The following CCNY variants were observed in gnomAD, a reference collection of about 807,000 sequenced individuals.
CCNY encodes cyclin Y.
Under a neutral mutation model 42.8 loss-of-function variants are expected in CCNY, and 19 were observed. That is an observed-to-expected ratio of 0.44 (90% confidence interval 0.31 to 0.65). The LOEUF (loss-of-function observed/expected upper bound fraction) is 0.65, where lower values mean the gene tolerates loss of function less well. Among genes scored for constraint, CCNY ranks in the 30% least tolerant of loss-of-function variants. The pLI, the probability that CCNY is intolerant of heterozygous loss-of-function variation, is 0.07. For missense variants in CCNY, 370 were observed against 437.3 expected, an observed-to-expected ratio of 0.85 and a Z score of 1.37; for synonymous variants, 165 against 162.7, an observed-to-expected ratio of 1.01 and a Z score of -0.11.
intron 1 of CCNY, among the ~76,000 whole-genome samples, chr10:35,344,935 C>A (rs995286253): frequency 3.9e-5 from 6 of 152,156 alleles, no homozygotes; most frequent in African/African-American, 1.4e-4. Context: ...ATAGTATTCC[C>A]TGGTGTATAC....
intron 1 of CCNY, among the ~76,000 whole-genome samples, chr10:35,470,268 G>C (rs1839365081): frequency 6.6e-6 from 1 of 152,206 alleles, no homozygotes; most frequent in South Asian, 2.1e-4. Flanking sequence ...TGGAAAGACG[G>C]ACAGGCAGGT....
At chr10:35,466,833 C>T in intron 1 of CCNY, among the ~76,000 whole-genome samples, 1 of 152,188 alleles carries the variant, frequency 6.6e-6, no homozygotes, top group East Asian at 1.9e-4. Flanking sequence ...AATGTGGTGG[C>T]ACAGCCACAG....
Position 35,307,732 on chromosome 10 carries a change from G to GTA in CCNY, c.-9+57115_-9+57116dup, listed in dbSNP as rs1214043971. Among the ~76,000 whole-genome samples, 623 of 138,106 alleles carry GTA rather than the reference G, an allele frequency of 4.5e-3. 5 individuals carry two copies. Among genetic ancestry groups the GTA allele is most frequent in the African/African-American group, 0.016 (584 of 37,294 alleles). 90.6% of individuals were successfully genotyped at this position (138,106 alleles called of 152,430 possible). ...TATATATATACACACACACATATAT[G>GTA]TATATATATACATATTGATGTGTAT... On this transcript the variant is annotated intron_variant, in intron 3 of 11. Transcript: ENST00000374706.
intron 2 of CCNY, among the ~76,000 whole-genome samples, chr10:35,498,319 A>G (rs905546288): frequency 2.0e-5 from 3 of 152,216 alleles, no homozygotes; most frequent in Non-Finnish European, 2.9e-5. Context: ...TTGTGCAGAC[A>G]GCTTAGGCAC....
intron 1 of CCNY, among the ~76,000 whole-genome samples, chr10:35,412,551 A>T (rs1564401416): frequency 6.6e-6 from 1 of 151,942 alleles, no homozygotes; most frequent in East Asian, 1.9e-4. Flanking sequence ...GCTGTTGAGG[A>T]TTTAATGAAG....
chr10:35,329,463 G>A (rs943111617), intron 3 of CCNY, among the ~76,000 whole-genome samples: 24 of 152,120 alleles, frequency 1.6e-4, no homozygotes. Context: ...CAAATGAAAT[G>A]TCCATTCTTT....
intron 1 of CCNY, among the ~76,000 whole-genome samples, chr10:35,363,943 C>G (rs1214353893): frequency 1.3e-5 from 2 of 152,092 alleles, no homozygotes; most frequent in Admixed American, 6.5e-5. Context: ...TGAGGAGGGA[C>G]AGGGTAATAA....
At chr10:35,379,295 C>A (rs1003330870) in intron 1 of CCNY, among the ~76,000 whole-genome samples, 1 of 152,140 alleles carries the variant, frequency 6.6e-6, no homozygotes, top group Admixed American at 6.5e-5. Context: ...TCCCTGCCCC[C>A]CTGGACCTGG....
At chr10:35,539,649 T>G (rs1840958270) in intron 7 of CCNY, among the ~76,000 whole-genome samples, 1 of 152,090 alleles carries the variant, frequency 6.6e-6, no homozygotes, top group African/African-American at 2.4e-5. Flanking sequence ...TAGCTGGGTG[T>G]GGTGACATGC....
At chr10:35,292,652 G>A (rs1285318715) in intron 3 of CCNY, among the ~76,000 whole-genome samples, 6 of 152,024 alleles carry the variant, frequency 3.9e-5, no homozygotes, top group East Asian at 2.0e-4. Flanking sequence ...CTGAGCCACC[G>A]TGCCCTGCCA....
chr10:35,414,330 T>C (rs928529936), intron 1 of CCNY, among the ~76,000 whole-genome samples: 5 of 152,202 alleles, frequency 3.3e-5, no homozygotes, highest in African/African-American at 1.2e-4. Context: ...TCCATTTCTT[T>C]CAAGTTATGA....
At chr10:35,455,825 T>TTTA (rs1286707783) in intron 1 of CCNY, among the ~76,000 whole-genome samples, 4 of 99,780 alleles carry the variant, frequency 4.0e-5, no homozygotes, top group Middle Eastern at 5.3e-3. Flanking sequence ...TTTTTTTTTT[T>TTTA]AAAAAAAGAA....
chr10:35,540,225 C>T (rs957007169), intron 7 of CCNY, among the ~76,000 whole-genome samples: 7 of 152,134 alleles, frequency 4.6e-5, no homozygotes, highest in African/African-American at 1.7e-4. Context: ...TGTAGATGTC[C>T]TTTATCAATT....
intron 1 of CCNY, among the ~76,000 whole-genome samples, chr10:35,458,530 T>G (rs1362450027): frequency 6.6e-6 from 1 of 152,258 alleles, no homozygotes; most frequent in African/African-American, 2.4e-5. Flanking sequence ...CTGGGTTAGC[T>G]TCTGACCAGC....
intron 8 of CCNY, among the ~76,000 whole-genome samples, chr10:35,556,024 A>G (rs112995430): frequency 0.011 from 1,676 of 152,310 alleles, 26 homozygotes; most frequent in African/African-American, 0.038. Context: ...TTAAAACTCT[A>G]TTCCATATTT....
At chr10:35,339,604 T>G (rs186771016) in intron 1 of CCNY, among the ~76,000 whole-genome samples, 10 of 152,336 alleles carry the variant, frequency 6.6e-5, no homozygotes, top group African/African-American at 2.4e-4. Context: ...ATTTTTTATG[T>G]CCTGAAAAAC....
At chr10:35,365,767 C>T (rs1389021759) in intron 1 of CCNY, among the ~76,000 whole-genome samples, 1 of 152,088 alleles carries the variant, frequency 6.6e-6, no homozygotes, top group Non-Finnish European at 1.5e-5. Context: ...AAGGTATTAA[C>T]CTTAGAGGAA....
chr10:35,427,589 G>A (rs1048993387), intron 1 of CCNY, among the ~76,000 whole-genome samples: 10 of 152,174 alleles, frequency 6.6e-5, no homozygotes, highest in African/African-American at 2.4e-4. Flanking sequence ...GAATATGTGT[G>A]TATTTCAATG....
Position 35,329,328 on chromosome 10 carries a change from G to A in CCNY, c.-9+78702G>A, listed in dbSNP as rs375436227. Among the ~76,000 whole-genome samples the A allele has an allele frequency of 2.6e-5, 4 of 152,250 alleles. No individual in the cohort carries two copies. In the East Asian group the frequency reaches 7.7e-4, roughly 29 times the overall value. ...GCACTTTGGGAGGCCCAGATGGGTG[G>A]ATCACAAGGTCAGGAGATCGAGATC... On this transcript the variant is annotated intron_variant, in intron 3 of 11. Transcript: ENST00000374706.
Sources: gnomAD v4.1 joint callset for allele counts (sites outside exome capture counted in the v4.1 genomes callset) on GRCh38, gnomAD v4.1.1 for gene constraint, MANE v1.5 for transcripts, NCBI Gene and HGNC (gene_info 2026-07-23, HGNC 2026-07-21) for gene names.